The following EBF2 variants were observed in gnomAD, a reference collection of about 807,000 sequenced individuals.
EBF2 encodes the protein EBF transcription factor 2.
EBF2 carries 21 observed loss-of-function variants against 72.8 expected under a neutral mutation model. The observed-to-expected ratio is 0.29, with a 90% CI of 0.20 to 0.42. EBF2 has a LOEUF of 0.42. Ranked by LOEUF, EBF2 falls within the 10% of genes least tolerant of loss-of-function variation. EBF2 has a pLI of 1.00. For missense variants in EBF2, 637 were observed against 731.2 expected (o/e 0.87, Z 1.49); for synonymous variants, 299 against 274.2 (o/e 1.09, Z -0.89).
chr8:25,855,485 T>C lies in EBF2; in HGVS notation c.1528+2834A>G, dbSNP rs1401053582. Among the ~76,000 whole-genome samples, 6 of 152,340 alleles carry C rather than the reference T, an allele frequency of 3.9e-5. No homozygotes were observed. In the East Asian group the frequency reaches 1.2e-3, roughly 29 times the overall value. ...TTCTGATACTCTACGTTGGCTGTCA[T>C]GCAAGTCAAACTTGACTAAGAAGCT... On this transcript the variant is annotated intron_variant, in intron 14 of 15. Transcript: ENST00000520164.
At chr8:26,015,214 A>C (rs2117238517) in intron 6 of EBF2, among the ~76,000 whole-genome samples, 1 of 152,322 alleles carries the variant, frequency 6.6e-6, no homozygotes, top group South Asian at 2.1e-4. Context: ...TAGTGACCAC[A>C]GAAGAAAAAA....
chr8:26,021,719 G>T (rs1425860623), intron 6 of EBF2, among the ~76,000 whole-genome samples: 1 of 152,074 alleles, frequency 6.6e-6, no homozygotes, highest in Non-Finnish European at 1.5e-5. Context: ...ATGTTTATCT[G>T]GTATTTATAT....
intron 6 of EBF2, among the ~76,000 whole-genome samples, chr8:25,976,330 T>G (rs1371904708): frequency 6.6e-6 from 1 of 152,170 alleles, no homozygotes; most frequent in Non-Finnish European, 1.5e-5. Flanking sequence ...ACAGGTCCAA[T>G]AGATGGTTAT....
intron 6 of EBF2, among the ~76,000 whole-genome samples, chr8:25,958,133 A>G (rs1400471273): frequency 6.6e-6 from 1 of 152,198 alleles, no homozygotes; most frequent in African/African-American, 2.4e-5. Flanking sequence ...GGTTATTTCT[A>G]TCTAAAGAGG....
chr8:26,011,047 G>A (rs1460959692), intron 6 of EBF2, among the ~76,000 whole-genome samples: 1 of 151,580 alleles, frequency 6.6e-6, no homozygotes, highest in Non-Finnish European at 1.5e-5. Flanking sequence ...CATCTTTGCA[G>A]CAAAAGTTAA....
At chr8:25,939,484 C>A (rs575674280) in intron 6 of EBF2, among the ~76,000 whole-genome samples, 3 of 152,078 alleles carry the variant, frequency 2.0e-5, no homozygotes, top group Admixed American at 2.0e-4. Context: ...TGGGTCAGCC[C>A]AAAAAACCTT....
rs73227974 is a variant in EBF2 at position 26,044,087 on chromosome 8, C to T, written c.131+642G>A. On this transcript the variant is annotated intron_variant, in intron 1 of 15. Coordinates refer to ENST00000520164, the MANE Select transcript of EBF2 (RefSeq NM_022659.4). This position sits in a 1 kb window ranked among gnomAD's most constrained non-coding sequence, Gnocchi z 4.1. ...CAGTATTTTCTCTTCTTTTAAATCTCTTCTTTTCTCCAGTTCCCTAGCTCC... is the reference window on the plus strand; with the variant it reads ...CAGTATTTTCTCTTCTTTTAAATCTTTTCTTTTCTCCAGTTCCCTAGCTCC... 6.6e-3 allele frequency among the ~76,000 whole-genome samples: 1,007 copies of T among 152,344 alleles called. 4 individuals carry two copies. The highest frequency in any genetic ancestry group is 0.017 in the Middle Eastern group (5 of 294).
chr8:25,896,596 C>T (rs187960678), intron 7 of EBF2, among the ~76,000 whole-genome samples: 8 of 152,244 alleles, frequency 5.3e-5, no homozygotes, highest in Admixed American at 3.3e-4. Flanking sequence ...TCAGCTTTCC[C>T]AAAGCATAAC....
chr8:25,856,205 T>C lies in EBF2; in HGVS notation c.1528+2114A>G, dbSNP rs116590388. Among the ~76,000 whole-genome samples the C allele has an allele frequency of 7.9e-3, 1,207 of 152,330 alleles. 16 individuals are homozygous for C. The highest frequency in any genetic ancestry group is 0.028 in the African/African-American group (1,145 of 41,562). On this transcript the variant is annotated intron_variant, in intron 14 of 15. Coordinates refer to ENST00000520164, the MANE Select transcript of EBF2 (RefSeq NM_022659.4). ...CACTACCACACTACATACTGTATTA[T>C]AAAATTGATCATTTTTATGTACAAA...
chr8:25,975,154 G>A (rs537389016), intron 6 of EBF2, among the ~76,000 whole-genome samples: 45 of 152,260 alleles, frequency 3.0e-4, no homozygotes, highest in Middle Eastern at 3.4e-3. Context: ...CCTCAGAAGC[G>A]CCTGTTAACC....
At chr8:25,986,051 A>G (rs1281072064) in intron 6 of EBF2, among the ~76,000 whole-genome samples, 2 of 140,122 alleles carry the variant, frequency 1.4e-5, no homozygotes, top group African/African-American at 2.7e-5. Flanking sequence ...GGAAGGTTTC[A>G]TGAGCTTAAT....
At chr8:26,042,309 T>TTACTA in intron 1 of EBF2, 58 bp from the exon 2 acceptor site, 2 of 1,556,920 alleles carry the variant, frequency 1.3e-6, no homozygotes, top group Non-Finnish European at 1.7e-6. Flanking sequence ...AAAGGCGATG[T>TTACTA]TACTAACCGC....
intron 5 of EBF2, among the ~76,000 whole-genome samples, chr8:26,039,078 G>A (rs1805556988): frequency 6.6e-6 from 1 of 152,072 alleles, no homozygotes; most frequent in South Asian, 2.1e-4. Context: ...TAATAAAATA[G>A]CCACACTCTT....
At chr8:25,933,890 A>G (rs939491037) in intron 6 of EBF2, among the ~76,000 whole-genome samples, 2 of 152,186 alleles carry the variant, frequency 1.3e-5, no homozygotes, top group African/African-American at 4.8e-5. Context: ...CTGAGCGGTA[A>G]GTTACTGGGC....
chr8:25,858,604 C>G, intron 13 of EBF2, 100 bp from the exon 14 acceptor site: 1 of 1,086,184 alleles, frequency 9.2e-7, no homozygotes, highest in Non-Finnish European at 1.3e-6. Flanking sequence ...TGCAGAATGT[C>G]ACCAGCTGCC....
intron 6 of EBF2, among the ~76,000 whole-genome samples, chr8:26,008,432 G>A (rs2117230603): frequency 6.6e-6 from 1 of 152,256 alleles, no homozygotes; most frequent in Middle Eastern, 3.4e-3. Context: ...AAATGTTTAA[G>A]TGGCTGTTTA....
At chr8:25,996,098 C>T (rs1031582292) in intron 6 of EBF2, among the ~76,000 whole-genome samples, 7 of 151,930 alleles carry the variant, frequency 4.6e-5, no homozygotes, top group South Asian at 2.1e-4. Flanking sequence ...CTGAGGAGTT[C>T]GAGACCAGTT....
chr8:26,019,575 G>T (rs1249081940), intron 6 of EBF2, among the ~76,000 whole-genome samples: 1 of 152,182 alleles, frequency 6.6e-6, no homozygotes, highest in African/African-American at 2.4e-5. Context: ...TCATCTGCTG[G>T]TTATGGCCCT....
At chr8:25,962,595 CT>C (rs1200320965) in intron 6 of EBF2, among the ~76,000 whole-genome samples, 1 of 151,904 alleles carries the variant, frequency 6.6e-6, no homozygotes, top group Non-Finnish European at 1.5e-5. Context: ...TTTTCCTCAG[CT>C]AACAGGCTTC....
Sources: gnomAD v4.1 joint callset for allele counts (sites outside exome capture counted in the v4.1 genomes callset) on GRCh38, gnomAD v4.1.1 for gene constraint, Gnocchi (gnomAD v3.1) non-coding constraint, MANE v1.5 for transcripts, NCBI Gene and HGNC (gene_info 2026-07-23, HGNC 2026-07-21) for gene names.